The following DCST1 variants were observed in gnomAD, a reference collection of about 807,000 sequenced individuals.
The protein encoded by DCST1 is DC-STAMP domain containing 1.
Under a neutral mutation model 89.1 loss-of-function variants are expected in DCST1, and 78 were observed. That is an observed-to-expected ratio of 0.88 (90% CI 0.73 to 1.06). DCST1 has a LOEUF of 1.06. Ranked by LOEUF, DCST1 falls within the 50% of genes least tolerant of loss-of-function variation. The pLI is 0.00. For synonymous variants in DCST1, 364 were observed against 371.9 expected (o/e 0.98, Z 0.24); for missense variants, 900 against 928.6 (o/e 0.97, Z 0.40).
intron 4 of DCST1, chr1:155,035,028 T>G (rs1269333736): frequency 2.6e-6 from 1 of 380,054 alleles, no homozygotes; most frequent in East Asian, 4.8e-5. Flanking sequence ...CTGACCTCGT[T>G]TTCTGATCCT....
chr1:155,035,604 A>G (rs1200669932), intron 4 of DCST1, among the ~76,000 whole-genome samples: 1 of 152,196 alleles, frequency 6.6e-6, no homozygotes, highest in Non-Finnish European at 1.5e-5. Context: ...TCTTCATACA[A>G]TAATATCAAA....
chr1:155,050,733 G>A lies in DCST1; in HGVS notation c.1986G>A (p.Thr662=), dbSNP rs748810348. 7 of 1,610,430 alleles carry A rather than the reference G, an allele frequency of 4.3e-6. No individual in the cohort carries two copies. Among genetic ancestry groups the A allele is most frequent in the African/African-American group, 1.3e-5 (1 of 74,968 alleles). The change falls in exon 17 of 17, where the codon ACG becomes ACA. Residue 662 remains threonine, a synonymous_variant. Coordinates refer to ENST00000295542, the MANE Select transcript of DCST1 (RefSeq NM_152494.4). ...PETPESYVCR[T]LDCEAVYCWS... ...CGCCCGAGTCCTACGTGTGCCGGAC[G>A]CTGGACTGCGAGGCCGTGTACTGCT...
chr1:155,043,881 C>T (rs1660517463), intron 10 of DCST1, among the ~76,000 whole-genome samples: 1 of 152,158 alleles, frequency 6.6e-6, no homozygotes, highest in African/African-American at 2.4e-5. Flanking sequence ...TTTCTCCTGC[C>T]TGCTGCGTTG....
In DCST1 at chr1:155,043,344, T is replaced by C; in HGVS notation, c.1015-8T>C. 1.2e-6 allele frequency: 2 copies of C among 1,613,990 alleles called. No individual in the cohort carries two copies. The highest frequency in any genetic ancestry group is 1.3e-5 in the African/African-American group (1 of 75,016). ...GCAGGCTGAGTTTGCTCATGTGCCC[T>C]CCACCAGGAAGAGAAGCAGGCTGGG... is the stretch of plus-strand genomic sequence containing the variant. On this transcript the variant is annotated splice_polypyrimidine_tract_variant and splice_region_variant and intron_variant, in intron 9 of 16. Transcript: ENST00000295542.
At chr1:155,040,217 C>T (rs1326227742) in intron 5 of DCST1, among the ~76,000 whole-genome samples, 2 of 149,260 alleles carry the variant, frequency 1.3e-5, no homozygotes, top group Non-Finnish European at 1.5e-5. Flanking sequence ...GCAGGAGAAT[C>T]GCTTGAGCCC....
Position 155,049,102 on chromosome 1 carries a change from C to T in DCST1, c.1869+932C>T, listed in dbSNP as rs780522562. 32 of 715,902 alleles carry T rather than the reference C, an allele frequency of 4.5e-5. 1 individual carries two copies. The highest frequency in any genetic ancestry group is 1.1e-4 in the East Asian group (4 of 37,248). The allele number at this position is 715,902 out of a possible 1,614,324, so 44.3% of individuals were successfully genotyped here. A position where few individuals can be genotyped will look rare whatever the true frequency, so the allele number is the denominator to read the frequency against. On this transcript the variant is annotated intron_variant, in intron 16 of 16. Coordinates refer to ENST00000295542, the MANE Select transcript of DCST1 (RefSeq NM_152494.4). ...AGAGTGGTGGTCAGGTGTGGGACTC[C>T]GGTGCCAGAGGGCCTAAGTGTGTAT...
chr1:155,048,018 GA>G, intron 15 of DCST1, 38 bp from the exon 16 acceptor site: 1 of 1,613,266 alleles, frequency 6.2e-7, no homozygotes, highest in African/African-American at 1.3e-5. Flanking sequence ...ATATTTGGGG[GA>G]TGCCTTTCTC....
intron 5 of DCST1, 145 bp downstream of exon 5, chr1:155,039,676 C>T: frequency 8.9e-7 from 1 of 1,128,600 alleles, no homozygotes; most frequent in Non-Finnish European, 1.2e-6. Flanking sequence ...GGAGCTCCTC[C>T]CCATATCTGG....
At chr1:155,048,313 A>AC in intron 16 of DCST1, 143 bp downstream of exon 16, 1 of 679,526 alleles carries the variant, frequency 1.5e-6, no homozygotes. Flanking sequence ...ATTTTTTGAG[A>AC]TGGAATCTCA....
chr1:155,041,342 C>T, intron 6 of DCST1, 55 bp from the exon 7 acceptor site: 2 of 1,584,474 alleles, frequency 1.3e-6, no homozygotes, highest in Non-Finnish European at 1.7e-6. Flanking sequence ...CCTCAGGCAG[C>T]AGAAGTTCTA....
rs1331594298 is a variant in DCST1 at position 155,041,473 on chromosome 1, G to A, written c.608G>A (p.Ser203Asn). ...TFEDLDAQVN[S>N]ETGYTPEDTM... ...GAGGACCTGGATGCCCAGGTGAATA[G>A]TGAGACGGGCTACACGCCTGAGGAT... Residue 203 changes from serine to asparagine, a missense_variant, in exon 7 of 17, where the codon AGT becomes AAT. Physicochemically the swap from Ser to Asn is conservative, Grantham distance 46 (BLOSUM62 1). Coordinates refer to ENST00000295542, the MANE Select transcript of DCST1 (RefSeq NM_152494.4). The A allele has an allele frequency of 6.2e-7, 1 of 1,614,124 alleles. No homozygotes were observed. The highest frequency in any genetic ancestry group is 1.3e-5 in the African/African-American group (1 of 75,058).
chr1:155,034,533 G>T lies in DCST1; in HGVS notation c.160G>T (p.Ala54Ser), dbSNP rs780626676. 1.2e-6 allele frequency: 2 copies of T among 1,613,586 alleles called. No homozygotes were observed. Among genetic ancestry groups the T allele is most frequent in the South Asian group, 2.2e-5 (2 of 91,082 alleles). ...EFPVTALLLG[A>S]GAGGLLAIGL... ...TCCTGTCACTGCTCTCCTGCTGGGG[G>T]CAGGCGCTGGGGGGCTCCTGGCCAT... The change falls in exon 3 of 17, where the codon GCA becomes TCA. Residue 54 changes from alanine (A) to serine (S), a missense_variant. Physicochemically the swap from Ala to Ser is moderately conservative, Grantham distance 99 (BLOSUM62 1). Coordinates refer to ENST00000295542, the MANE Select transcript of DCST1 (RefSeq NM_152494.4).
chr1:155,041,374 C>T, intron 6 of DCST1, 23 bp from the exon 7 acceptor site: 1 of 1,612,374 alleles, frequency 6.2e-7, no homozygotes, highest in Non-Finnish European at 8.5e-7. Flanking sequence ...CTCACCCTTT[C>T]CTCCCTCCAC....
At chr1:155,042,653 G>A in intron 8 of DCST1, 82 bp from the exon 9 acceptor site, 1 of 1,588,560 alleles carries the variant, frequency 6.3e-7, no homozygotes, top group Non-Finnish European at 8.6e-7. Context: ...GGATGAGGAG[G>A]ACTACAGGAG....
At chr1:155,042,192 G>A (rs111845381) in intron 8 of DCST1, among the ~76,000 whole-genome samples, 5 of 152,168 alleles carry the variant, frequency 3.3e-5, no homozygotes, top group South Asian at 2.1e-4. Flanking sequence ...TCTGCCTCCC[G>A]GGTTCAAGCG....
At chr1:155,038,981 T>C (rs112078177) in intron 4 of DCST1, among the ~76,000 whole-genome samples, 8 of 152,338 alleles carry the variant, frequency 5.3e-5, no homozygotes, top group African/African-American at 1.9e-4. Context: ...GTCTGAGTAC[T>C]GGGAGTACTG....
In DCST1 at chr1:155,039,482, G is replaced by C. The variant is rs760075801; in HGVS notation, c.342G>C (p.Lys114Asn). 1.9e-6 allele frequency: 3 copies of C among 1,602,432 alleles called. No individual in the cohort carries two copies. The highest frequency in any genetic ancestry group is 2.6e-6 in the Non-Finnish European group (3 of 1,174,224). Residue 114 changes from lysine to asparagine, a missense_variant, in exon 5 of 17, where the codon AAG (lysine) becomes AAC (asparagine). By Grantham distance (94) the Lys-to-Asn change is moderately conservative. Coordinates refer to ENST00000295542, the MANE Select transcript of DCST1 (RefSeq NM_152494.4). ...SLLLVPKMLGKEGRLFVLGYA... is the reference protein window; with the variant it reads ...SLLLVPKMLGNEGRLFVLGYA... ...TACTAGTACCCAAGATGCTGGGCAA[G>C]GAAGGCAGGCTCTTTGTCCTGGGAT...
intron 16 of DCST1, among the ~76,000 whole-genome samples, chr1:155,048,781 A>G (rs1239787180): frequency 6.6e-6 from 1 of 152,240 alleles, no homozygotes; most frequent in African/African-American, 2.4e-5. Context: ...GAAAAGCAAG[A>G]GGGCCGCACA....
chr1:155,041,829 G>C lies in DCST1; in HGVS notation c.864G>C (p.Lys288Asn), dbSNP rs374368366. 1 of 1,614,114 alleles carries C rather than the reference G, an allele frequency of 6.2e-7. No homozygotes were observed. Among genetic ancestry groups the C allele is most frequent in the Admixed American group, 1.7e-5 (1 of 60,002 alleles). Reference sequence around the variant, plus strand: ...CCCACCTGCTCTGCCTGCCTATGAAGTTCAAGTTCTTCTGTGGCATTGCCA... The same window carrying C: ...CCCACCTGCTCTGCCTGCCTATGAACTTCAAGTTCTTCTGTGGCATTGCCA... ...LLTHLLCLPM[K>N]FKFFCGIAKV... The change falls in exon 8 of 17, where the codon AAG (lysine) becomes AAC (asparagine). Residue 288 changes from lysine (K) to asparagine (N), a missense_variant. Transcript: ENST00000295542.
Sources: gnomAD v4.1 joint callset for allele counts (sites outside exome capture counted in the v4.1 genomes callset) on GRCh38, gnomAD v4.1.1 for gene constraint, MANE v1.5 for transcripts, NCBI Gene and HGNC (gene_info 2026-07-23, HGNC 2026-07-21) for gene names.